The following GPHN variants were observed in gnomAD, a reference collection of about 807,000 sequenced individuals.
GPHN encodes the protein gephyrin.
Under a neutral mutation model 95.5 loss-of-function variants are expected in GPHN, and 17 were observed. That is an observed-to-expected ratio of 0.18 (90% CI 0.12 to 0.27). GPHN has a LOEUF of 0.27. Among genes scored for constraint, GPHN ranks in the 10% least tolerant of loss-of-function variants. The pLI, the probability that GPHN is intolerant of heterozygous loss-of-function variation, is 1.00. For missense variants in GPHN, 660 were observed against 978.1 expected (o/e 0.67, Z 4.34); for synonymous variants, 320 against 322.5 (o/e 0.99, Z 0.08).
the GPHN span, among the ~76,000 whole-genome samples, chr14:67,378,348 G>A: frequency 5.2e-5 from 7 of 135,412 alleles, no homozygotes; most frequent in Non-Finnish European, 7.7e-5. Flanking sequence ...GGTATATCAC[G>A]TGGTAGAAAA....
At chr14:67,230,558 C>A in the GPHN span, among the ~76,000 whole-genome samples, 2 of 151,654 alleles carry the variant, frequency 1.3e-5, no homozygotes, top group Non-Finnish European at 2.9e-5. Context: ...GGTGACAGAG[C>A]AAGACCCTCT....
At chr14:67,244,879 GA>G in the GPHN span, among the ~76,000 whole-genome samples, 703 of 152,298 alleles carry the variant, frequency 4.6e-3, 4 homozygotes, top group African/African-American at 0.016. Context: ...TGACTTTAGG[GA>G]GATTATTGTG....
At chr14:67,323,881 C>A in the GPHN span, 1 of 803,584 alleles carries the variant, frequency 1.2e-6, no homozygotes. Flanking sequence ...CTAATTTGTC[C>A]TGGTGCTTAA....
At chr14:67,151,789 G>T (rs1177010296) in intron 18 of GPHN, among the ~76,000 whole-genome samples, 1 of 152,050 alleles carries the variant, frequency 6.6e-6, no homozygotes, top group Admixed American at 6.5e-5. Context: ...GATCACAGGC[G>T]CATGCCATCA....
intron 12 of GPHN, 94 bp from the exon 13 acceptor site, chr14:67,100,760 TAA>T (rs1245634587): frequency 2.4e-6 from 2 of 816,730 alleles, no homozygotes; most frequent in African/African-American, 3.4e-5. Context: ...CCTTATCAAA[TAA>T]TTTGAGTCAA....
chr14:67,431,247 G>A, the GPHN span, among the ~76,000 whole-genome samples: 1 of 152,118 alleles, frequency 6.6e-6, no homozygotes, highest in East Asian at 1.9e-4. Context: ...ACAAAAATTA[G>A]CTGGGCATGG....
At chr14:67,124,686 C>G (rs567094192) in intron 17 of GPHN, among the ~76,000 whole-genome samples, 1 of 152,318 alleles carries the variant, frequency 6.6e-6, no homozygotes, top group East Asian at 1.9e-4. Context: ...ACCAATGGCT[C>G]TGGCCCTACC....
chr14:67,070,713 A>T (rs867414388), intron 11 of GPHN, among the ~76,000 whole-genome samples: 7,407 of 82,650 alleles, frequency 0.09, 277 homozygotes, highest in Non-Finnish European at 0.11. Context: ...AAAAAAAAAA[A>T]AAATATATAT....
chr14:67,651,254 C>CA, the GPHN span: 1 of 1,537,918 alleles, frequency 6.5e-7, no homozygotes, highest in Non-Finnish European at 8.7e-7. Context: ...TCCCTCCTCC[C>CA]ACAGCCTGGC....
At chr14:66,725,938 A>T (rs1364123916) in intron 2 of GPHN, among the ~76,000 whole-genome samples, 2 of 152,204 alleles carry the variant, frequency 1.3e-5, no homozygotes, top group Non-Finnish European at 2.9e-5. Context: ...TGATGTTTGT[A>T]TTGTACCATG....
chr14:67,416,246 G>T, the GPHN span, among the ~76,000 whole-genome samples: 1 of 152,198 alleles, frequency 6.6e-6, no homozygotes, highest in Non-Finnish European at 1.5e-5. Context: ...GAACCAGCAG[G>T]GACAACCCCC....
At chr14:66,709,797 A>G (rs2069441763) in intron 2 of GPHN, among the ~76,000 whole-genome samples, 1 of 152,154 alleles carries the variant, frequency 6.6e-6, no homozygotes, top group South Asian at 2.1e-4. Context: ...ATACATCCAA[A>G]AAAAGGACAA....
chr14:67,120,796 C>T (rs912745413), intron 16 of GPHN, among the ~76,000 whole-genome samples: 1 of 152,072 alleles, frequency 6.6e-6, no homozygotes. Context: ...CAAGTACTGC[C>T]AGGGAGTAAG....
intron 1 of GPHN, among the ~76,000 whole-genome samples, chr14:66,640,089 G>T (rs2064313557): frequency 6.6e-6 from 1 of 152,092 alleles, no homozygotes; most frequent in African/African-American, 2.4e-5. Context: ...GTTCATTCCT[G>T]AATTGATTTG....
intron 9 of GPHN, among the ~76,000 whole-genome samples, chr14:66,979,240 A>C (rs2070484094): frequency 6.6e-6 from 1 of 152,186 alleles, no homozygotes; most frequent in African/African-American, 2.4e-5. Context: ...TTAAGTTTTA[A>C]AGCCAGGCTT....
chr14:67,077,823 C>T (rs897128649), intron 11 of GPHN, among the ~76,000 whole-genome samples: 2 of 152,132 alleles, frequency 1.3e-5, no homozygotes, highest in African/African-American at 4.8e-5. Context: ...TGTTATCTTG[C>T]AGCACAAGTA....
At chr14:67,043,639 A>T (rs1423470109) in intron 10 of GPHN, among the ~76,000 whole-genome samples, 2 of 152,104 alleles carry the variant, frequency 1.3e-5, no homozygotes, top group Non-Finnish European at 2.9e-5. Context: ...CCAGTATTAT[A>T]TTGAGAATTT....
At chr14:67,221,846 C>G in the GPHN span, 4 of 1,607,838 alleles carry the variant, frequency 2.5e-6, no homozygotes, top group Non-Finnish European at 3.4e-6. Context: ...ATTGTGATCC[C>G]TGGTATTCAG....
the GPHN span, among the ~76,000 whole-genome samples, chr14:67,664,804 T>C: frequency 1.3e-5 from 2 of 152,196 alleles, no homozygotes; most frequent in African/African-American, 4.8e-5. Context: ...AGAAATGGCA[T>C]GTGGGTATTC....
Sources: allele counts gnomAD v4.1 joint callset (sites outside exome capture counted in the v4.1 genomes callset), GRCh38; gene constraint gnomAD v4.1.1; transcripts MANE v1.5; gene names NCBI Gene and HGNC (gene_info 2026-07-23, HGNC 2026-07-21).